The following NEDD9 variants were observed in gnomAD, a reference collection of about 807,000 sequenced individuals.
NEDD9 encodes the protein enhancer of filamentation 1.
In NEDD9, 26 loss-of-function variants were observed where a neutral mutation model predicts 76.6. The ratio of observed to expected loss-of-function variants is 0.34; its 90% CI spans 0.25 to 0.47. The LOEUF (loss-of-function observed/expected upper bound fraction) is 0.47. NEDD9 is among the 20% of genes least tolerant of loss of function. The pLI is 1.00. For synonymous variants in NEDD9, 392 were observed against 414.2 expected (o/e 0.95, Z 0.65); for missense variants, 937 against 1,058.5 (o/e 0.89, Z 1.59).
chr6:11,343,404 G>A (rs1036756395), intron 1 of NEDD9, among the ~76,000 whole-genome samples: 16 of 151,998 alleles, frequency 1.1e-4, no homozygotes, highest in Admixed American at 2.0e-4. Flanking sequence ...ACTCTAGCCT[G>A]GGCAACAGAA....
At position 11,209,970 on chromosome 6, in the gene NEDD9, C is replaced by CTTTTTTTTTTTTTTTTTT. The variant is rs752612102; in HGVS notation, c.459+3310_459+3311insAAAAAAAAAAAAAAAAAA. Among the ~76,000 whole-genome samples the CTTTTTTTTTTTTTTTTTT allele has an allele frequency of 2.9e-4, 38 of 131,088 alleles. 2 individuals are homozygous for CTTTTTTTTTTTTTTTTTT. The highest frequency in any genetic ancestry group is 7.8e-4 in the South Asian group (3 of 3,844). 86.0% of individuals were successfully genotyped at this position (131,088 alleles called of 152,430 possible). A position where few individuals can be genotyped will look rare whatever the true frequency, so the allele number is the denominator to read the frequency against. On this transcript the variant is annotated intron_variant, in intron 2 of 6. Coordinates refer to ENST00000379446, the MANE Select transcript of NEDD9 (RefSeq NM_006403.4). Reference sequence around the variant, plus strand: ...AGTGATAGAAGGCAGAATTCACTGTCTTTTTTTTTTCCTTAAGTGATTCAT... The same window carrying CTTTTTTTTTTTTTTTTTT: ...AGTGATAGAAGGCAGAATTCACTGTCTTTTTTTTTTTTTTTTTTTTTTTTTTTTCCTTAAGTGATTCAT...
chr6:11,311,111 A>G (rs1761353025), intron 2 of NEDD9, among the ~76,000 whole-genome samples: 1 of 151,932 alleles, frequency 6.6e-6, no homozygotes, highest in African/African-American at 2.4e-5. Context: ...GTTTTCCCCT[A>G]GCTGACTGAG....
chr6:11,218,433 C>T (rs1206663589), intron 1 of NEDD9, among the ~76,000 whole-genome samples: 1 of 151,846 alleles, frequency 6.6e-6, no homozygotes, highest in Non-Finnish European at 1.5e-5. Flanking sequence ...AACCCATCTT[C>T]CATTTAACCA....
chr6:11,323,878 G>C (rs6903357), intron 2 of NEDD9, among the ~76,000 whole-genome samples: 1 of 152,160 alleles, frequency 6.6e-6, no homozygotes, highest in Non-Finnish European at 1.5e-5. Context: ...CATTCTTAAC[G>C]ATGATAAATC....
intron 2 of NEDD9, among the ~76,000 whole-genome samples, chr6:11,332,470 C>A (rs938513194): frequency 4.6e-5 from 7 of 152,200 alleles, no homozygotes; most frequent in African/African-American, 1.7e-4. Context: ...CCTCACATTG[C>A]GCTACGTCCG....
rs1581993935 is a variant in NEDD9 at position 11,275,458 on chromosome 6, G to A, written c.12+30534C>T. 2.0e-5 allele frequency among the ~76,000 whole-genome samples: 3 copies of A among 152,164 alleles called. No individual in the cohort carries two copies. In the South Asian group the frequency reaches 6.2e-4, roughly 32 times the overall value. On this transcript the variant is annotated intron_variant, in intron 3 of 3. Transcript: ENST00000397378. ...AGCTAATGCATATGTTAATTAGCTT[G>A]ATTTAGCCATTGCACAAACATTCAA...
intron 3 of NEDD9, among the ~76,000 whole-genome samples, chr6:11,288,541 AG>A (rs537461452): frequency 1.6e-3 from 244 of 152,318 alleles, no homozygotes; most frequent in Admixed American, 3.1e-3. Flanking sequence ...TGCTCACAAC[AG>A]GGAACGTCTC....
intron 1 of NEDD9, 74 bp downstream of exon 1, chr6:11,232,430 C>G: frequency 1.9e-6 from 3 of 1,566,920 alleles, no homozygotes; most frequent in Non-Finnish European, 1.8e-6. Context: ...CAGTAAGGAA[C>G]ACGCATACAC....
chr6:11,272,682 T>A lies in NEDD9; in HGVS notation c.12+33310A>T, dbSNP rs144398241. Among the ~76,000 whole-genome samples, 290 of 152,288 alleles carry A rather than the reference T, an allele frequency of 1.9e-3. 1 individual carries two copies. The highest frequency in any genetic ancestry group is 5.0e-3 in the Admixed American group (77 of 15,302). ...TCCTTGCCTCCCCTTCCACCTGCCT[T>A]GGTGTGCACAGACCCTGGAGGTGTG... On this transcript the variant is annotated intron_variant, in intron 3 of 3. Transcript: ENST00000397378.
intron 1 of NEDD9, among the ~76,000 whole-genome samples, chr6:11,361,715 A>G (rs950735274): frequency 6.6e-6 from 1 of 152,150 alleles, no homozygotes; most frequent in African/African-American, 2.4e-5. Context: ...AACAAAAACC[A>G]TGTCATTTTT....
At chr6:11,234,712 ATT>A (rs140513398), upstream of NEDD9, among the ~76,000 whole-genome samples, 81,559 of 137,002 alleles carry the variant, frequency 0.6, 24,094 homozygotes, top group East Asian at 0.92. Context: ...AACATTTTTA[ATT>A]TTTTTTTTTT....
At chr6:11,308,664 C>T (rs1032348311) in intron 2 of NEDD9, among the ~76,000 whole-genome samples, 10 of 152,016 alleles carry the variant, frequency 6.6e-5, no homozygotes, top group South Asian at 2.1e-4. Flanking sequence ...CCACCGCGCC[C>T]GGCCGGGACA....
At chr6:11,355,887 A>ATT (rs368895371) in intron 1 of NEDD9, among the ~76,000 whole-genome samples, 1 of 150,844 alleles carries the variant, frequency 6.6e-6, no homozygotes, top group Admixed American at 6.6e-5. Flanking sequence ...CGCCCGGCTA[A>ATT]TTTTTTGTAT....
rs1218636722 is a variant in NEDD9 at position 11,223,285 on chromosome 6, C to A, written c.12+9219G>T. Among the ~76,000 whole-genome samples the A allele has an allele frequency of 2.0e-5, 3 of 152,026 alleles. No individual in the cohort carries two copies. In the East Asian group the frequency reaches 5.8e-4, roughly 29 times the overall value. On this transcript the variant is annotated intron_variant, in intron 1 of 6. Coordinates refer to ENST00000379446, the MANE Select transcript of NEDD9 (RefSeq NM_006403.4). ...TTTTGTGCCTCTGTTTCCCTGTCTG[C>A]AAAATAAATATTAATAGACATGTTC...
chr6:11,253,583 G>A (rs1006992442), intron 3 of NEDD9, among the ~76,000 whole-genome samples: 3 of 152,104 alleles, frequency 2.0e-5, no homozygotes, highest in East Asian at 3.9e-4. Flanking sequence ...TAGTTTCCAC[G>A]TTTAAATTTT....
rs550458352 is a variant in NEDD9 at position 11,379,667 on chromosome 6, A to T, written c.-214+2472T>A. Among the ~76,000 whole-genome samples the T allele has an allele frequency of 2.0e-3, 284 of 144,974 alleles. 2 individuals are homozygous for T. The highest frequency in any genetic ancestry group is 7.4e-3 in the African/African-American group (273 of 36,954). On this transcript the variant is annotated intron_variant, in intron 1 of 3. Coordinates refer to the NEDD9 transcript ENST00000397378. ...AATGTTTATACCATTCCTACAAATT[A>T]AAAAAAAAACAGGCCGTTGTGGTTT...
At chr6:11,262,105 C>CCG (rs1483510671) in intron 3 of NEDD9, among the ~76,000 whole-genome samples, 12 of 152,140 alleles carry the variant, frequency 7.9e-5, no homozygotes, top group Admixed American at 3.3e-4. Context: ...AAACATGTGC[C>CCG]CGGACCTGAC....
At chr6:11,355,848 G>A (rs1422098888) in intron 1 of NEDD9, among the ~76,000 whole-genome samples, 1 of 152,144 alleles carries the variant, frequency 6.6e-6, no homozygotes, top group African/African-American at 2.4e-5. Context: ...AGCCTCCCCA[G>A]TAGCTGGGAC....
chr6:11,332,732 G>A lies in NEDD9; in HGVS notation c.-153+1769C>T, dbSNP rs139209343. On this transcript the variant is annotated intron_variant, in intron 2 of 3. Transcript: ENST00000397378. ...AACTGATTCTTCTGCTAGATGCTGA[G>A]AACATGTGGGCAATGGCACGTTCTC... Among the ~76,000 whole-genome samples the A allele has an allele frequency of 2.0e-4, 31 of 152,286 alleles. No homozygotes were observed. In the East Asian group the frequency reaches 5.4e-3, roughly 27 times the overall value.
Sources: allele counts gnomAD v4.1 joint callset (sites outside exome capture counted in the v4.1 genomes callset), GRCh38; gene constraint gnomAD v4.1.1; transcripts MANE v1.5; gene names NCBI Gene and HGNC (gene_info 2026-07-23, HGNC 2026-07-21).